PTPRB: variants seen among roughly 807,000 people sequenced by gnomAD.
PTPRB encodes the protein receptor-type tyrosine-protein phosphatase beta.
PTPRB carries 97 observed loss-of-function variants against 238.1 expected under a neutral mutation model. That is an observed-to-expected ratio of 0.41 (90% CI 0.35 to 0.48). The LOEUF (loss-of-function observed/expected upper bound fraction) is 0.48. Ranked by LOEUF, PTPRB falls within the 20% of genes least tolerant of loss-of-function variation. The pLI, the probability that PTPRB is intolerant of heterozygous loss-of-function variation, is 0.30. For missense variants in PTPRB, 2,292 were observed against 2,681.9 expected (o/e 0.85, Z 3.21); for synonymous variants, 970 against 995.4 (o/e 0.97, Z 0.48).
intron 11 of PTPRB, among the ~76,000 whole-genome samples, chr12:70,575,189 G>C (rs1952374976): frequency 6.6e-6 from 1 of 152,166 alleles, no homozygotes; most frequent in African/African-American, 2.4e-5. Flanking sequence ...ACTGGAGCTA[G>C]ACTGAACTCC....
At chr12:70,547,662 A>G (rs1876218942) in intron 21 of PTPRB, among the ~76,000 whole-genome samples, 1 of 151,452 alleles carries the variant, frequency 6.6e-6, no homozygotes, top group South Asian at 2.1e-4. Flanking sequence ...GCACACTACC[A>G]TGGCCAGCTA....
At chr12:70,539,205 T>C (rs1874660667) in intron 26 of PTPRB, 191 bp from the exon 27 acceptor site, 1 of 600,140 alleles carries the variant, frequency 1.7e-6, no homozygotes, top group Admixed American at 2.9e-5. Flanking sequence ...CTCACTATTT[T>C]ACAGGTGAGG....
At chr12:70,530,503 T>C (rs990970854) in intron 32 of PTPRB, among the ~76,000 whole-genome samples, 1 of 151,694 alleles carries the variant, frequency 6.6e-6, no homozygotes, top group Admixed American at 6.5e-5. Flanking sequence ...CACATACATA[T>C]ATACATACAC....
intron 9 of PTPRB, among the ~76,000 whole-genome samples, chr12:70,583,167 A>C (rs1401163259): frequency 6.6e-6 from 1 of 152,158 alleles, no homozygotes; most frequent in Non-Finnish European, 1.5e-5. Context: ...CTACAAAGTT[A>C]AACATGCATT....
chr12:70,602,046 C>T (rs540275118), intron 4 of PTPRB, among the ~76,000 whole-genome samples: 17 of 151,932 alleles, frequency 1.1e-4, no homozygotes, highest in Admixed American at 2.6e-4. Context: ...CTGCCCACCT[C>T]GGCCTCCCAA....
At chr12:70,537,779 T>A (rs186338984) in intron 28 of PTPRB, among the ~76,000 whole-genome samples, 1 of 152,166 alleles carries the variant, frequency 6.6e-6, no homozygotes, top group African/African-American at 2.4e-5. Flanking sequence ...AGATTTGATA[T>A]AACCTTTGAG....
At position 70,563,053 on chromosome 12, in the gene PTPRB, G is replaced by A. The variant is rs781393836; in HGVS notation, c.3959C>T (p.Ser1320Phe). Residue 1320 changes from serine (S) to phenylalanine (F), a missense_variant, in exon 16 of 34, where the codon TCC (serine) becomes TTC (phenylalanine). Around this residue, in one of 4 missense-constraint regions of PTPRB, gnomAD observed 683 missense variants for 862.0 expected, o/e 0.79. Coordinates refer to ENST00000334414, the MANE Select transcript of PTPRB (RefSeq NM_001109754.4). ...CCCCTCTGAGGCGGTCCAGCGGAAG[G>A]ACAGGTGCCTGGTGGAGTTCTCTGT... ...RITENSTRHL[S>F]FRWTASEGEL... 1 of 1,613,790 alleles carries A rather than the reference G, an allele frequency of 6.2e-7. No individual in the cohort carries two copies. The highest frequency in any genetic ancestry group is 1.1e-5 in the South Asian group (1 of 91,062).
At position 70,521,453 on chromosome 12, in the gene PTPRB, G is replaced by A; in HGVS notation, c.*36C>T. On this transcript the variant is annotated 3_prime_UTR_variant, in exon 34 of 34. Transcript: ENST00000334414. Reference sequence around the variant, plus strand: ...AGTTTTTAAAAACAAATCACACAGTGAATAATTTTTATCCAGGAGCTCTTC... The same window carrying A: ...AGTTTTTAAAAACAAATCACACAGTAAATAATTTTTATCCAGGAGCTCTTC... 6.6e-7 allele frequency: 1 copy of A among 1,514,118 alleles called. No homozygotes were observed. Among genetic ancestry groups the A allele is most frequent in the Non-Finnish European group, 8.9e-7 (1 of 1,128,156 alleles). 93.8% of individuals were successfully genotyped at this position (1,514,118 alleles called of 1,614,324 possible).
intron 2 of PTPRB, among the ~76,000 whole-genome samples, chr12:70,633,022 T>TA (rs1885524598): frequency 6.6e-6 from 1 of 152,174 alleles, no homozygotes; most frequent in Admixed American, 6.6e-5. Flanking sequence ...ATGAAACAAA[T>TA]ATGAAACATG....
chr12:70,636,286 C>CTTT (rs75812781), intron 1 of PTPRB, among the ~76,000 whole-genome samples: 6 of 142,034 alleles, frequency 4.2e-5, no homozygotes, highest in Admixed American at 2.8e-4. Flanking sequence ...AACTCCCCAT[C>CTTT]TTTTTTTTTT....
At chr12:70,556,646 C>G (rs1311370005) in intron 18 of PTPRB, among the ~76,000 whole-genome samples, 1 of 152,256 alleles carries the variant, frequency 6.6e-6, no homozygotes, top group Middle Eastern at 3.4e-3. Context: ...TAGACACCAA[C>G]CACAGATCCA....
At chr12:70,620,090 G>C (rs914377327) in intron 3 of PTPRB, among the ~76,000 whole-genome samples, 2 of 152,156 alleles carry the variant, frequency 1.3e-5, no homozygotes, top group African/African-American at 4.8e-5. Flanking sequence ...TAGCTTACCA[G>C]GACATAGTTA....
chr12:70,613,959 CA>C (rs1884570485), intron 3 of PTPRB, among the ~76,000 whole-genome samples: 1 of 151,214 alleles, frequency 6.6e-6, no homozygotes. Context: ...AAAGGAATGA[CA>C]AAGAAGAAAA....
At chr12:70,609,948 C>G in intron 3 of PTPRB, 1 of 712,766 alleles carries the variant, frequency 1.4e-6, no homozygotes, top group Non-Finnish European at 2.0e-6. Flanking sequence ...TCGGGGCTGG[C>G]GACGCGCAGG....
intron 18 of PTPRB, among the ~76,000 whole-genome samples, chr12:70,557,071 C>A (rs1877794519): frequency 6.6e-6 from 1 of 152,184 alleles, no homozygotes; most frequent in South Asian, 2.1e-4. Flanking sequence ...CTTTTAGCTG[C>A]TGGCTATTAG....
At position 70,569,928 on chromosome 12, in the gene PTPRB, A is replaced by C. The variant is rs752528363; in HGVS notation, c.3381T>G (p.Ala1127=). 5.6e-6 allele frequency: 9 copies of C among 1,607,374 alleles called. No individual in the cohort carries two copies. The highest frequency in any genetic ancestry group is 7.7e-6 in the Non-Finnish European group (9 of 1,174,100). Residue 1127 remains alanine (A), a synonymous_variant, in exon 14 of 34, where the codon GCT becomes GCG. Coordinates refer to ENST00000334414, the MANE Select transcript of PTPRB (RefSeq NM_001109754.4). ...TGGGAGAAATGTGAATATTTTTGAC[A>C]GCACTAGGAACTAAAACAGAAAATA... is the stretch of plus-strand genomic sequence containing the variant. ...AFIEGFTVPS[A]VKNIHISPNG... is the part of the protein sequence containing the mutation.
At chr12:70,585,416 C>T (rs1279452499) in intron 9 of PTPRB, 1 of 152,174 alleles carries the variant, frequency 6.6e-6, no homozygotes, top group Non-Finnish European at 1.5e-5. Context: ...TGTCCCCACC[C>T]AAATCTCATC....
chr12:70,559,492 G>A lies in PTPRB; in HGVS notation c.4565C>T (p.Thr1522Ile). The change falls in exon 18 of 34, where the codon ACT (threonine) becomes ATT (isoleucine). Residue 1522 changes from threonine (T) to isoleucine (I), a missense_variant. Physicochemically the swap from Thr to Ile is moderately conservative, Grantham distance 89 (BLOSUM62 -1). Coordinates refer to ENST00000334414, the MANE Select transcript of PTPRB (RefSeq NM_001109754.4). ...TCTGTTGTTGTAGGGGTTGAAGACAGTAAGTGCATCTCTGGGCAACCACTG... is the reference window on the plus strand; with the variant it reads ...TCTGTTGTTGTAGGGGTTGAAGACAATAAGTGCATCTCTGGGCAACCACTG... ...ELQWLPRDAL[T>I]VFNPYNNRKS... 1 of 1,614,010 alleles carries A rather than the reference G, an allele frequency of 6.2e-7. No individual in the cohort carries two copies. The highest frequency in any genetic ancestry group is 8.5e-7 in the Non-Finnish European group (1 of 1,179,882).
intron 5 of PTPRB, among the ~76,000 whole-genome samples, chr12:70,595,051 T>C (rs1882867682): frequency 6.6e-6 from 1 of 151,344 alleles, no homozygotes; most frequent in African/African-American, 2.4e-5. Flanking sequence ...AGATGAAAAA[T>C]GGAGAGGAAG....
Sources: allele counts gnomAD v4.1 joint callset (sites outside exome capture counted in the v4.1 genomes callset), GRCh38; gene constraint gnomAD v4.1.1; regional missense constraint gnomAD v4.1.1; transcripts MANE v1.5; gene names NCBI Gene and HGNC (gene_info 2026-07-23, HGNC 2026-07-21).